The following APCDD1 variants were observed in gnomAD, a reference collection of about 807,000 sequenced individuals.
APCDD1 encodes the protein protein APCDD1.
Under a neutral mutation model 38.1 loss-of-function variants are expected in APCDD1, and 15 were observed. That is an observed-to-expected ratio of 0.39 (90% confidence interval 0.26 to 0.61). The LOEUF (loss-of-function observed/expected upper bound fraction) is 0.61. Ranked by LOEUF, APCDD1 falls within the 20% of genes least tolerant of loss-of-function variation. APCDD1 has a pLI of 0.49. For missense variants in APCDD1, 647 were observed against 696.2 expected (o/e 0.93, Z 0.79); for synonymous variants, 261 against 279.7 (o/e 0.93, Z 0.67).
At chr18:10,463,348 T>TG (rs1299708460) in intron 1 of APCDD1, among the ~76,000 whole-genome samples, 4 of 152,176 alleles carry the variant, frequency 2.6e-5, no homozygotes, top group African/African-American at 9.7e-5. Flanking sequence ...GAACAGTGCC[T>TG]GGCCCTTCAG....
intron 3 of APCDD1, among the ~76,000 whole-genome samples, chr18:10,481,033 C>T (rs181928380): frequency 5.3e-5 from 8 of 152,182 alleles, no homozygotes; most frequent in Middle Eastern, 3.4e-3. Flanking sequence ...AAATACAAAA[C>T]GATCAAAACT....
At chr18:10,473,195 C>T (rs1359413789) in intron 3 of APCDD1, among the ~76,000 whole-genome samples, 3 of 152,182 alleles carry the variant, frequency 2.0e-5, no homozygotes, top group African/African-American at 2.4e-5. Flanking sequence ...AAGACTGCTC[C>T]GTGTTATCTT....
intron 1 of APCDD1, among the ~76,000 whole-genome samples, chr18:10,463,324 A>G (rs1170194444): frequency 3.9e-5 from 6 of 152,004 alleles, no homozygotes; most frequent in Non-Finnish European, 8.8e-5. Context: ...AAATGTTTGT[A>G]GATGCTATGT....
Position 10,488,304 on chromosome 18 carries a change from C to T in APCDD1, c.*266C>T, listed in dbSNP as rs981024769. ...CTTTAAGACAGCCTAGAGTTCTGGA[C>T]GAGCGTGTTTGGTAGCAGGGATGAA... On this transcript the variant is annotated 3_prime_UTR_variant, in exon 5 of 5. Transcript: ENST00000355285. 2.2e-5 allele frequency: 10 copies of T among 464,500 alleles called. No individual in the cohort carries two copies. The highest frequency in any genetic ancestry group is 7.7e-5 in the East Asian group (2 of 26,004). The allele number at this position is 464,500 out of a possible 1,614,324, so 28.8% of individuals were successfully genotyped here.
rs1315585038 is a variant in APCDD1, at chr18:10,454,745, C to A, written c.-237C>A. 1.0e-6 allele frequency: 1 copy of A among 981,190 alleles called. No homozygotes were observed. Among genetic ancestry groups the A allele is most frequent in the Non-Finnish European group, 1.2e-6 (1 of 828,424 alleles). The allele number at this position is 981,190 out of a possible 1,614,324, so 60.8% of individuals were successfully genotyped here. The stretch of plus-strand genomic sequence containing the variant: ...GGCGCGGAGAAGTCGGGGCGGGCGG[C>A]AGAGAGGCCGGGACGCGGACCGGGC... On this transcript the variant is annotated 5_prime_UTR_variant, in exon 1 of 5. Coordinates refer to ENST00000355285, the MANE Select transcript of APCDD1 (RefSeq NM_153000.5).
At chr18:10,473,925 A>ATTT (rs10691722) in intron 3 of APCDD1, among the ~76,000 whole-genome samples, 13,264 of 127,656 alleles carry the variant, frequency 0.1, 1,514 homozygotes, top group African/African-American at 0.28. Flanking sequence ...CCTTTCTGGG[A>ATTT]TTTTTTTTTT....
Position 10,455,047 on chromosome 18 carries a change from C to T in APCDD1, c.58+8C>T. ...CGGCCCTCCTGCTTCACGGTGAGTT[C>T]CCGAGGGCCACTCGAGCGCTCCCAG... On this transcript the variant is annotated splice_region_variant and intron_variant, in intron 1 of 4. Coordinates refer to ENST00000355285, the MANE Select transcript of APCDD1 (RefSeq NM_153000.5). The T allele has an allele frequency of 1.3e-6, 2 of 1,561,852 alleles. No homozygotes were observed. The highest frequency in any genetic ancestry group is 1.7e-6 in the Non-Finnish European group (2 of 1,153,418).
At chr18:10,458,424 T>C (rs1458908338) in intron 1 of APCDD1, among the ~76,000 whole-genome samples, 1 of 152,230 alleles carries the variant, frequency 6.6e-6, no homozygotes. Context: ...AAAAACTATT[T>C]TACTAAGGAC....
rs1181248242 is a variant in APCDD1, at chr18:10,454,659, C to T, written c.-323C>T. On this transcript the variant is annotated 5_prime_UTR_variant, in exon 1 of 5. Coordinates refer to ENST00000355285, the MANE Select transcript of APCDD1 (RefSeq NM_153000.5). Reference sequence around the variant, plus strand: ...TGAAGAGACGCTGCAGCTGCGGTGGCGGTGGCGGCCACTGCAGCTCAGAGC... The same window carrying T: ...TGAAGAGACGCTGCAGCTGCGGTGGTGGTGGCGGCCACTGCAGCTCAGAGC... 12 of 1,034,068 alleles carry T rather than the reference C, an allele frequency of 1.2e-5. No individual in the cohort carries two copies. The highest frequency in any genetic ancestry group is 1.4e-5 in the Non-Finnish European group (12 of 863,474). The allele number at this position is 1,034,068 out of a possible 1,614,324, so 64.1% of individuals were successfully genotyped here.
chr18:10,478,149 A>G (rs1237773777), intron 3 of APCDD1, among the ~76,000 whole-genome samples: 1 of 152,198 alleles, frequency 6.6e-6, no homozygotes, highest in Admixed American at 6.5e-5. Flanking sequence ...TTCATAGCCA[A>G]CTACAGACTC....
At chr18:10,464,098 A>G (rs1039632817) in intron 1 of APCDD1, among the ~76,000 whole-genome samples, 2 of 152,062 alleles carry the variant, frequency 1.3e-5, no homozygotes, top group Admixed American at 1.3e-4. Context: ...GGAGGTTCTT[A>G]GATTGTATTT....
rs906430642 is a variant in APCDD1, at chr18:10,476,105, A to G, written c.774+4044A>G. 2.0e-5 allele frequency: 3 copies of G among 152,248 alleles called. No individual in the cohort carries two copies. Among genetic ancestry groups the G allele is most frequent in the Non-Finnish European group, 2.9e-5 (2 of 68,050 alleles). The allele number at this position is 152,248 out of a possible 1,614,324, so 9.4% of individuals were successfully genotyped here. ...CTGGGAGAACGTCTTCAAAGACCGT[A>G]CACGCCTGCCCAGGAGAGGCTGGAA... On this transcript the variant is annotated intron_variant, in intron 3 of 4. Coordinates refer to ENST00000355285, the MANE Select transcript of APCDD1 (RefSeq NM_153000.5). The surrounding 1 kb of genome is among the most constrained non-coding windows in gnomAD (Gnocchi z 5.8).
chr18:10,460,955 G>A (rs918897985), intron 1 of APCDD1, among the ~76,000 whole-genome samples: 1 of 152,146 alleles, frequency 6.6e-6, no homozygotes, highest in African/African-American at 2.4e-5. Context: ...TGACACACAG[G>A]CCTTTTATTT....
chr18:10,486,482 A>G (rs1348786137), intron 4 of APCDD1, among the ~76,000 whole-genome samples: 3 of 152,242 alleles, frequency 2.0e-5, no homozygotes, highest in Non-Finnish European at 4.4e-5. Context: ...TGAGTGAGCA[A>G]TAAAGAGGTG....
Position 10,471,859 on chromosome 18 carries a change from G to T in APCDD1, c.572G>T (p.Arg191Leu). The change falls in exon 3 of 5, where the codon CGA becomes CTA. Residue 191 changes from arginine (R) to leucine (L), a missense_variant. Arg to Leu is a moderately radical substitution (Grantham distance 102). Transcript: ENST00000355285. The surrounding 1 kb of genome is among the most constrained non-coding windows in gnomAD (Gnocchi z 5.5). ...CAGGACGTGGCCTATGACCTCTGGC[G>T]AGAGGAGAACGGCTGTGAGTGCACC... ...WVQDVAYDLW[R>L]EENGCECTKA... is the part of the protein sequence containing the mutation. The T allele has an allele frequency of 6.2e-7, 1 of 1,614,200 alleles. No homozygotes were observed. Among genetic ancestry groups the T allele is most frequent in the Non-Finnish European group, 8.5e-7 (1 of 1,180,056 alleles).
At chr18:10,479,270 A>G (rs910333905) in intron 3 of APCDD1, among the ~76,000 whole-genome samples, 2 of 152,224 alleles carry the variant, frequency 1.3e-5, no homozygotes, top group African/African-American at 4.8e-5. Context: ...TAGGAAAGGA[A>G]GTTTCCATCA....
chr18:10,486,066 C>A lies in APCDD1; in HGVS notation c.1096+283C>A, dbSNP rs73942652. On this transcript the variant is annotated intron_variant, in intron 4 of 4. Transcript: ENST00000355285. ...GGGAGGATGTTACTGGGAATGAAAT[C>A]TCTGGCCAGGTGCGGAGGCTCATGC... Among the ~76,000 whole-genome samples the A allele has an allele frequency of 2.2e-3, 330 of 152,322 alleles. 1 individual carries two copies. Among genetic ancestry groups the A allele is most frequent in the African/African-American group, 7.4e-3 (309 of 41,576 alleles).
chr18:10,465,022 A>G (rs1271129931), intron 1 of APCDD1, among the ~76,000 whole-genome samples: 1 of 152,238 alleles, frequency 6.6e-6, no homozygotes, highest in African/African-American at 2.4e-5. Context: ...ACTGAAACCA[A>G]CCTTAAGAAG....
Position 10,488,111 on chromosome 18 carries a change from G to T in APCDD1, c.*73G>T. 3 of 1,560,354 alleles carry T rather than the reference G, an allele frequency of 1.9e-6. No homozygotes were observed. Among genetic ancestry groups the T allele is most frequent in the Non-Finnish European group, 2.6e-6 (3 of 1,146,726 alleles). On this transcript the variant is annotated 3_prime_UTR_variant, in exon 5 of 5. Transcript: ENST00000355285. ...ACAGATTTGCTTTACCAAAAGAAAA[G>T]ACATTTATTCTTTTGATGCACTTGA... is the stretch of plus-strand genomic sequence containing the variant.
Sources: allele counts gnomAD v4.1 joint callset (sites outside exome capture counted in the v4.1 genomes callset), GRCh38; gene constraint gnomAD v4.1.1; non-coding constraint Gnocchi (gnomAD v3.1); transcripts MANE v1.5; gene names NCBI Gene and HGNC (gene_info 2026-07-23, HGNC 2026-07-21).